The following FGFR1 variants were observed in gnomAD, a reference collection of about 807,000 sequenced individuals.
The protein encoded by FGFR1 is FGFR1/PLAG1 fusion.
FGFR1 carries 18 observed loss-of-function variants against 93.7 expected under a neutral mutation model. The observed-to-expected ratio is 0.19, with a 90% confidence interval of 0.13 to 0.28. The LOEUF (loss-of-function observed/expected upper bound fraction) is 0.28, where lower values mean the gene tolerates loss of function less well. FGFR1 is among the 10% of genes least tolerant of loss of function. The probability of loss-of-function intolerance (pLI) is 1.00; values close to 1 mark genes in which losing one functional copy is unlikely to be tolerated. For missense variants in FGFR1, 731 were observed against 1,080.4 expected (o/e 0.68, Z 4.53); for synonymous variants, 448 against 429.3 (o/e 1.04, Z -0.54).
At position 38,416,065 on chromosome 8, in the gene FGFR1, A is replaced by C. The variant is rs1190342121; in HGVS notation, c.1664-5T>G. The C allele has an allele frequency of 6.2e-7, 1 of 1,608,880 alleles. No homozygotes were observed. Among genetic ancestry groups the C allele is most frequent in the East Asian group, 2.2e-5 (1 of 44,802 alleles). ...CCACGATGACATACAAGGGACCTGCAGGCACAGGAGAAGAGGCCATGGGGC... is the reference window on the plus strand; with the variant it reads ...CCACGATGACATACAAGGGACCTGCCGGCACAGGAGAAGAGGCCATGGGGC... On this transcript the variant is annotated splice_region_variant and splice_polypyrimidine_tract_variant and intron_variant, in intron 12 of 17. Coordinates refer to ENST00000447712, the MANE Select transcript of FGFR1 (RefSeq NM_023110.3).
At chr8:38,463,324 C>A (rs917258852) in intron 1 of FGFR1, 2 of 184,034 alleles carry the variant, frequency 1.1e-5, no homozygotes, top group South Asian at 2.0e-4. Context: ...TTTCTCTGAA[C>A]CCCACCTTAA....
rs2150870936 is a variant in FGFR1, at chr8:38,426,326, C to T, written c.622-81G>A. The T allele has an allele frequency of 1.9e-6, 3 of 1,593,996 alleles. No individual in the cohort carries two copies. The highest frequency in any genetic ancestry group is 4.5e-5 in the East Asian group (2 of 44,756). ...ATGACAATGTCGGCACCCCGTGGCACCTGCCCTCCATATCAGAGCCTGGTG... is the reference window on the plus strand; with the variant it reads ...ATGACAATGTCGGCACCCCGTGGCATCTGCCCTCCATATCAGAGCCTGGTG... On this transcript the variant is annotated intron_variant, in intron 5 of 17. Transcript: ENST00000447712. The surrounding 1 kb of genome is among the most constrained non-coding windows in gnomAD (Gnocchi z 4.1).
At chr8:38,428,523 C>A in intron 3 of FGFR1, 88 bp from the exon 4 acceptor site, 1 of 1,011,616 alleles carries the variant, frequency 9.9e-7, no homozygotes. Context: ...AACACGGACA[C>A]CCTCCCCATG....
chr8:38,450,668 A>C (rs540497770), intron 2 of FGFR1, among the ~76,000 whole-genome samples: 1 of 152,260 alleles, frequency 6.6e-6, no homozygotes, highest in Admixed American at 6.5e-5. Context: ...GAACCAGGTG[A>C]TGGAAACCCT....
chr8:38,416,131 C>T (rs1816488593), intron 12 of FGFR1, 71 bp from the exon 13 acceptor site: 1 of 1,395,584 alleles, frequency 7.2e-7, no homozygotes, highest in African/African-American at 1.4e-5. Context: ...TCAAAGAAAC[C>T]CCACCCCCAG....
At chr8:38,459,373 T>C (rs963472730) in intron 1 of FGFR1, among the ~76,000 whole-genome samples, 3 of 152,228 alleles carry the variant, frequency 2.0e-5, no homozygotes, top group African/African-American at 7.2e-5. Context: ...TTCGTTCACA[T>C]GTGCTTGGCC....
At chr8:38,419,850 G>C in intron 8 of FGFR1, 115 bp from the exon 9 acceptor site, 1 of 839,328 alleles carries the variant, frequency 1.2e-6, no homozygotes, top group Non-Finnish European at 1.9e-6. Context: ...TTAGGGAGAA[G>C]AACCATGGCA....
At chr8:38,448,048 T>C (rs1829906597) in intron 2 of FGFR1, among the ~76,000 whole-genome samples, 1 of 152,206 alleles carries the variant, frequency 6.6e-6, no homozygotes, top group Non-Finnish European at 1.5e-5. Flanking sequence ...AAAAACATTC[T>C]CTGTATGGCT....
chr8:38,450,305 G>A (rs1038035316), intron 2 of FGFR1, among the ~76,000 whole-genome samples: 2 of 152,132 alleles, frequency 1.3e-5, no homozygotes, highest in Non-Finnish European at 2.9e-5. Context: ...GGACTTCCCC[G>A]GTCAACAGGG....
intron 2 of FGFR1, chr8:38,430,914 A>G (rs17175849): frequency 7.2e-4 from 110 of 152,164 alleles, no homozygotes; most frequent in African/African-American, 2.6e-3. Context: ...GCCCGGACAC[A>G]CCTGAGTTCA....
chr8:38,445,745 T>C (rs923365697), intron 2 of FGFR1, among the ~76,000 whole-genome samples: 4 of 151,676 alleles, frequency 2.6e-5, no homozygotes, highest in African/African-American at 9.7e-5. Flanking sequence ...GACACTATGT[T>C]GGCCAGGCTG....
At chr8:38,427,842 G>T in intron 5 of FGFR1, 79 bp downstream of exon 5, 5 of 1,514,658 alleles carry the variant, frequency 3.3e-6, no homozygotes, top group Admixed American at 1.7e-5. Flanking sequence ...TTAAAAAAAT[G>T]AAAAGCATGT....
chr8:38,422,936 ACAGTC>A lies in FGFR1; in HGVS notation c.937-1000_937-996del, dbSNP rs1196969294. 6 of 714,870 alleles carry A rather than the reference ACAGTC, an allele frequency of 8.4e-6. No individual in the cohort carries two copies. The Admixed American group carries it at 9.8e-5, about 12-fold the overall frequency. The allele number at this position is 714,870 out of a possible 1,614,324, so 44.3% of individuals were successfully genotyped here. On this transcript the variant is annotated intron_variant, in intron 7 of 17. Transcript: ENST00000447712. Reference sequence around the variant, plus strand: ...CTAGAAATACAGTAGGGTGGCAAGGACAGTCCAGTACTGGCTTCCCCGCCTGCCCC... The same window carrying A: ...CTAGAAATACAGTAGGGTGGCAAGGACAGTACTGGCTTCCCCGCCTGCCCC...
chr8:38,444,604 C>A (rs59171828), intron 2 of FGFR1, among the ~76,000 whole-genome samples: 11 of 137,128 alleles, frequency 8.0e-5, no homozygotes, highest in Non-Finnish European at 1.2e-4. Flanking sequence ...GTTGGCCAGG[C>A]TGGTCTTGAA....
At chr8:38,440,291 G>T in intron 2 of FGFR1, 1 of 1,602,112 alleles carries the variant, frequency 6.2e-7, no homozygotes, top group South Asian at 1.1e-5. Flanking sequence ...CTTTGAAATG[G>T]AACTGAAAAC....
chr8:38,417,786 A>G, intron 11 of FGFR1, 84 bp downstream of exon 11: 1 of 1,599,340 alleles, frequency 6.3e-7, no homozygotes, highest in Non-Finnish European at 8.6e-7. Context: ...AAGGCACCAG[A>G]GAAGCTGTTC....
chr8:38,415,333 G>A (rs909267333), intron 13 of FGFR1, among the ~76,000 whole-genome samples: 4 of 152,136 alleles, frequency 2.6e-5, no homozygotes, highest in Non-Finnish European at 4.4e-5. Context: ...TTGCTCTGTC[G>A]CCCCGGCTGG....
intron 2 of FGFR1, among the ~76,000 whole-genome samples, chr8:38,455,672 C>G (rs1225081016): frequency 6.6e-6 from 1 of 152,160 alleles, no homozygotes; most frequent in Non-Finnish European, 1.5e-5. Flanking sequence ...TTTCCCAGAG[C>G]TACCTACTCA....
intron 1 of FGFR1, among the ~76,000 whole-genome samples, chr8:38,463,563 A>T (rs1834885161): frequency 6.6e-6 from 1 of 152,200 alleles, no homozygotes; most frequent in Non-Finnish European, 1.5e-5. Flanking sequence ...TAGCATGTAC[A>T]CAGGAGATGC....
Sources: allele counts gnomAD v4.1 joint callset (sites outside exome capture counted in the v4.1 genomes callset), GRCh38; gene constraint gnomAD v4.1.1; non-coding constraint Gnocchi (gnomAD v3.1); transcripts MANE v1.5; gene names NCBI Gene and HGNC (gene_info 2026-07-23, HGNC 2026-07-21).